The following RAG1 variants were observed in gnomAD, a reference collection of about 807,000 sequenced individuals.
RAG1 encodes recombination activating 1.
RAG1 carries 35 observed loss-of-function variants against 62.7 expected under a neutral mutation model. The ratio of observed to expected loss-of-function variants is 0.56; its 90% CI spans 0.43 to 0.74. The LOEUF is 0.74. RAG1 is among the 30% of genes least tolerant of loss of function. The pLI is 0.00. For missense variants in RAG1, 1,169 were observed against 1,278.6 expected, an observed-to-expected ratio of 0.91 and a Z score of 1.31; for synonymous variants, 461 against 470.3, an observed-to-expected ratio of 0.98 and a Z score of 0.26.
At chr11:36,550,951 T>C (rs1850472792) in intron 3 of RAG1, among the ~76,000 whole-genome samples, 1 of 152,144 alleles carries the variant, frequency 6.6e-6, no homozygotes, top group Non-Finnish European at 1.5e-5. Context: ...TGGCCTTGGT[T>C]CAGTGAAGGA....
In RAG1 at chr11:36,528,225, T is replaced by C. The variant is rs537816952; in HGVS notation, n.429-7734T>C. Among the ~76,000 whole-genome samples the C allele has an allele frequency of 2.6e-5, 4 of 152,210 alleles. No individual in the cohort carries two copies. In the South Asian group the frequency reaches 8.3e-4, roughly 32 times the overall value. ...GCACCACATCACACTTATTCTAAAA[T>C]TGACCACAAGGTTGGAAGTAAAACA... On this transcript the variant is annotated intron_variant and non_coding_transcript_variant, in intron 2 of 2. Transcript: ENST00000529126.
Position 36,574,054 on chromosome 11 carries a change from G to T in RAG1, c.750G>T (p.Lys250Asn). 6 of 1,614,190 alleles carry T rather than the reference G, an allele frequency of 3.7e-6. No homozygotes were observed. The highest frequency in any genetic ancestry group is 5.1e-6 in the Non-Finnish European group (6 of 1,180,040). The change falls in exon 2 of 2, where the codon AAG (lysine) becomes AAT (asparagine). Residue 250 changes from lysine to asparagine, a missense_variant. Physicochemically the swap from Lys to Asn is moderately conservative, Grantham distance 94. Coordinates refer to ENST00000299440, the MANE Select transcript of RAG1 (RefSeq NM_000448.3). Reference protein sequence around the residue: ...LDQARQARQHKRRAQARISSK... With the variant: ...LDQARQARQHNRRAQARISSK... ...AAGCAAGACAAGCCCGTCAGCACAA[G>T]AGAAGAGCTCAGGCAAGGATCAGCA...
chr11:36,576,312 A>G lies in RAG1; in HGVS notation c.3008A>G (p.Gln1003Arg). The G allele has an allele frequency of 6.2e-7, 1 of 1,614,138 alleles. No homozygotes were observed. The highest frequency in any genetic ancestry group is 8.5e-7 in the Non-Finnish European group (1 of 1,180,036). Residue 1003 changes from glutamine (Q) to arginine (R), a missense_variant, in exon 2 of 2, where the codon CAG becomes CGG. By Grantham distance (43) the Gln-to-Arg change is conservative. Around this residue, in one of 2 missense-constraint regions of RAG1, gnomAD observed 800 missense variants for 943.3 expected, o/e 0.85. Transcript: ENST00000299440. ...TGGTTGTACACCTCCAAATACCTCC[A>G]GAAGTTTATGAATGCTCATAATGCA... ...HHWLYTSKYLQKFMNAHNALK... is the reference protein window; with the variant it reads ...HHWLYTSKYLRKFMNAHNALK...
At chr11:36,564,824 C>T (rs936901280), upstream of RAG1, among the ~76,000 whole-genome samples, 2 of 152,196 alleles carry the variant, frequency 1.3e-5, no homozygotes, top group Admixed American at 6.5e-5. Context: ...TCCGATCTAG[C>T]GACGACCTGT....
intron 1 of RAG1, among the ~76,000 whole-genome samples, chr11:36,511,430 G>A (rs770287784): frequency 1.9e-4 from 29 of 152,226 alleles, no homozygotes; most frequent in Middle Eastern, 3.4e-3. Context: ...TTCCAGCCTG[G>A]GTGACAGAGT....
At position 36,571,008 on chromosome 11, in the gene RAG1, C is replaced by T. The variant is rs904329455; in HGVS notation, c.-14-2283C>T. ...TTTGTGGATTGTTTACTTTGCTGTG[C>T]AGAAGCTTTTAACTTGATGCAATCC... On this transcript the variant is annotated intron_variant, in intron 1 of 1. Transcript: ENST00000299440. Among the ~76,000 whole-genome samples, 4 of 152,260 alleles carry T rather than the reference C, an allele frequency of 2.6e-5. 1 individual carries two copies. Among genetic ancestry groups the T allele is most frequent in the African/African-American group, 9.6e-5 (4 of 41,556 alleles).
intron 1 of RAG1, among the ~76,000 whole-genome samples, chr11:36,515,077 G>T (rs1859978117): frequency 6.6e-6 from 1 of 152,152 alleles, no homozygotes; most frequent in African/African-American, 2.4e-5. Context: ...TTTCCAGAAG[G>T]TGTCTGTGCC....
chr11:36,576,604 T>A lies in RAG1; in HGVS notation c.*168T>A. The A allele has an allele frequency of 2.6e-6, 2 of 776,268 alleles. No homozygotes were observed. Among genetic ancestry groups the A allele is most frequent in the Admixed American group, 2.6e-5 (1 of 38,120 alleles). The allele number at this position is 776,268 out of a possible 1,614,324, so 48.1% of individuals were successfully genotyped here. A position where few individuals can be genotyped will look rare whatever the true frequency, so the allele number is the denominator to read the frequency against. On this transcript the variant is annotated 3_prime_UTR_variant, in exon 2 of 2. Coordinates refer to ENST00000299440, the MANE Select transcript of RAG1 (RefSeq NM_000448.3). ...CTCTCAAGTCAGGAATAGAAACTGATGAGCTGATTGCTTGAGGCTTTTAGT... is the reference window on the plus strand; with the variant it reads ...CTCTCAAGTCAGGAATAGAAACTGAAGAGCTGATTGCTTGAGGCTTTTAGT...
rs969047284 is a variant in RAG1 at position 36,577,564 on chromosome 11, G to A, written c.*1128G>A. On this transcript the variant is annotated 3_prime_UTR_variant, in exon 2 of 2. Coordinates refer to ENST00000299440, the MANE Select transcript of RAG1 (RefSeq NM_000448.3). ...TAAGTTTAGATGGAGTCCAAACGCA[G>A]TACAGCAGAAGAGTTAACATTTACA... The A allele has an allele frequency of 6.0e-6, 1 of 167,026 alleles. No homozygotes were observed. The highest frequency in any genetic ancestry group is 1.9e-4 in the East Asian group (1 of 5,204). 10.3% of individuals were successfully genotyped at this position (167,026 alleles called of 1,614,324 possible).
At chr11:36,514,101 G>C (rs1256456886) in intron 1 of RAG1, among the ~76,000 whole-genome samples, 1 of 152,176 alleles carries the variant, frequency 6.6e-6, no homozygotes. Flanking sequence ...TAGAAAGGCT[G>C]CTGAGCAACT....
intron 2 of RAG1, among the ~76,000 whole-genome samples, chr11:36,525,756 T>G (rs1254757859): frequency 2.0e-5 from 3 of 152,232 alleles, no homozygotes; most frequent in Admixed American, 2.0e-4. Flanking sequence ...GGTTATCTTA[T>G]GTTGCTTTGC....
chr11:36,548,877 A>G (rs1351836133), intron 3 of RAG1, among the ~76,000 whole-genome samples: 1 of 152,196 alleles, frequency 6.6e-6, no homozygotes, highest in Non-Finnish European at 1.5e-5. Flanking sequence ...AAACTATACT[A>G]CAAGGCTACA....
At chr11:36,529,415 T>C (rs2554015) in intron 2 of RAG1, among the ~76,000 whole-genome samples, 149,313 of 152,298 alleles carry the variant, frequency 0.98, 73,245 homozygotes, top group Non-Finnish European at 1. Flanking sequence ...TCAATAGGTA[T>C]AGAAAAGGTC....
At chr11:36,544,552 T>C (rs1850364084) in intron 3 of RAG1, among the ~76,000 whole-genome samples, 2 of 152,188 alleles carry the variant, frequency 1.3e-5, no homozygotes, top group African/African-American at 4.8e-5. Flanking sequence ...AAAATATATG[T>C]TTCTATATTT....
chr11:36,561,841 A>G (rs1850589175), intron 3 of RAG1, among the ~76,000 whole-genome samples: 1 of 152,170 alleles, frequency 6.6e-6, no homozygotes, highest in African/African-American at 2.4e-5. Flanking sequence ...GTGTGAGCCA[A>G]TTCCTCATCT....
chr11:36,569,484 G>C (rs1850707740), intron 1 of RAG1, among the ~76,000 whole-genome samples: 1 of 152,166 alleles, frequency 6.6e-6, no homozygotes, highest in African/African-American at 2.4e-5. Context: ...GCTGTCTACA[G>C]GTCCATATTT....
At chr11:36,564,601 C>A (rs1428739833), upstream of RAG1, among the ~76,000 whole-genome samples, 3 of 152,160 alleles carry the variant, frequency 2.0e-5, no homozygotes, top group Admixed American at 2.0e-4. Flanking sequence ...TCAGAAAGCC[C>A]GCAGCAGATC....
At chr11:36,536,915 C>T (rs942447116), downstream of RAG1, among the ~76,000 whole-genome samples, 17 of 148,922 alleles carry the variant, frequency 1.1e-4, no homozygotes, top group South Asian at 2.1e-4. Flanking sequence ...CCTGCCACCA[C>T]GCCCGGCTAA....
downstream of RAG1, among the ~76,000 whole-genome samples, chr11:36,540,034 A>G (rs1483826820): frequency 6.6e-6 from 1 of 152,202 alleles, no homozygotes; most frequent in Non-Finnish European, 1.5e-5. Context: ...ATTGTGTTCT[A>G]TAATTCCTGT....
Sources: gnomAD v4.1 joint callset for allele counts (sites outside exome capture counted in the v4.1 genomes callset) on GRCh38, gnomAD v4.1.1 for gene constraint, gnomAD v4.1.1 regional missense constraint, MANE v1.5 for transcripts, NCBI Gene and HGNC (gene_info 2026-07-23, HGNC 2026-07-21) for gene names.